Variants in ADGRL2 observed in about 807,000 individuals in gnomAD.
ADGRL2 encodes the protein adhesion G protein-coupled receptor L2, also known as calcium-independent alpha-latrotoxin receptor 2.
ADGRL2 carries 44 observed loss-of-function variants against 157.4 expected under a neutral mutation model. The observed-to-expected ratio is 0.28, with a 90% CI of 0.22 to 0.36. The LOEUF (loss-of-function observed/expected upper bound fraction) is 0.36. Among genes scored for constraint, ADGRL2 ranks in the 10% least tolerant of loss-of-function variants. ADGRL2 has a pLI of 1.00. For synonymous variants in ADGRL2, 585 were observed against 624.7 expected (o/e 0.94, Z 0.95); for missense variants, 1,510 against 1,768.9 (o/e 0.85, Z 2.63).
At chr1:81,637,041 G>C (rs930124959) in intron 3 of ADGRL2, among the ~76,000 whole-genome samples, 2 of 152,070 alleles carry the variant, frequency 1.3e-5, no homozygotes, top group Admixed American at 1.3e-4. Context: ...TCACCATGTT[G>C]GCCAGTTTGA....
At chr1:81,775,235 G>C (rs536604006) in intron 2 of ADGRL2, among the ~76,000 whole-genome samples, 1 of 152,178 alleles carries the variant, frequency 6.6e-6, no homozygotes, top group East Asian at 1.9e-4. Flanking sequence ...AAAACACACT[G>C]CTTTTCTTAC....
At chr1:81,487,806 A>G (rs1311602843) in intron 2 of ADGRL2, among the ~76,000 whole-genome samples, 1 of 152,186 alleles carries the variant, frequency 6.6e-6, no homozygotes, top group Admixed American at 6.5e-5. Flanking sequence ...TGAAAAATGG[A>G]CTGGCTGAGG....
chr1:81,511,018 G>A (rs2079065680), intron 2 of ADGRL2, among the ~76,000 whole-genome samples: 1 of 152,102 alleles, frequency 6.6e-6, no homozygotes, highest in South Asian at 2.1e-4. Context: ...AGCACTGAAT[G>A]TGAATGGAAA....
chr1:81,794,437 C>G (rs943270672), intron 2 of ADGRL2, among the ~76,000 whole-genome samples: 1 of 152,052 alleles, frequency 6.6e-6, no homozygotes, highest in South Asian at 2.1e-4. Context: ...TAAAACCATT[C>G]GAAGAATATA....
At chr1:81,754,592 T>G (rs200524160) in intron 1 of ADGRL2, among the ~76,000 whole-genome samples, 1 of 109,742 alleles carries the variant, frequency 9.1e-6, no homozygotes, top group Non-Finnish European at 1.8e-5. Context: ...TTTCTTTCTT[T>G]TCTTTTCTTT....
chr1:81,966,806 T>C (rs1388638854), intron 13 of ADGRL2, among the ~76,000 whole-genome samples, 197 bp downstream of exon 13: 1 of 152,206 alleles, frequency 6.6e-6, no homozygotes, highest in African/African-American at 2.4e-5. Flanking sequence ...TAAAATTAAA[T>C]GAGCTTGGTT....
intron 1 of ADGRL2, among the ~76,000 whole-genome samples, chr1:81,429,412 A>G (rs11163291): frequency 0.25 from 38,464 of 152,126 alleles, 5,083 homozygotes; most frequent in South Asian, 0.41. Context: ...AATTTGAGCG[A>G]GGGAGGAGGA....
chr1:81,503,565 G>A, intron 2 of ADGRL2: 2 of 1,407,322 alleles, frequency 1.4e-6, no homozygotes, highest in East Asian at 4.6e-5. Flanking sequence ...CCACGTCGAC[G>A]AGCACCATTT....
At chr1:81,833,886 A>G (rs754054) in intron 1 of ADGRL2, among the ~76,000 whole-genome samples, 50,781 of 152,000 alleles carry the variant, frequency 0.33, 8,987 homozygotes, top group Middle Eastern at 0.51. Flanking sequence ...GACTTTTTAC[A>G]TGACAGGGTA....
At chr1:81,801,694 A>C (rs1020031856) in intron 1 of ADGRL2, among the ~76,000 whole-genome samples, 2 of 152,098 alleles carry the variant, frequency 1.3e-5, no homozygotes, top group African/African-American at 4.8e-5. Context: ...CCCAGGCCGC[A>C]GGGTCGGCGC....
chr1:81,716,894 TC>T (rs1444941943), intron 1 of ADGRL2, among the ~76,000 whole-genome samples: 1 of 152,194 alleles, frequency 6.6e-6, no homozygotes, highest in Non-Finnish European at 1.5e-5. Flanking sequence ...TTCCATTTGA[TC>T]TTCAAAGAAA....
chr1:81,669,397 C>T (rs952860740), intron 3 of ADGRL2, among the ~76,000 whole-genome samples: 2 of 151,402 alleles, frequency 1.3e-5, no homozygotes, highest in African/African-American at 4.9e-5. Context: ...CCAGCCTGGG[C>T]AATGTAGCAA....
chr1:81,382,510 C>A (rs903550974), intron 1 of ADGRL2, among the ~76,000 whole-genome samples: 3 of 151,934 alleles, frequency 2.0e-5, no homozygotes, highest in African/African-American at 7.3e-5. Context: ...AATTGCACGC[C>A]ATTGTGTAGG....
chr1:81,407,081 T>C (rs1402048895), intron 1 of ADGRL2, among the ~76,000 whole-genome samples: 7 of 152,218 alleles, frequency 4.6e-5, no homozygotes, highest in Non-Finnish European at 8.8e-5. Context: ...TTTCCTCCCG[T>C]CTCCAGAAAT....
intron 1 of ADGRL2, among the ~76,000 whole-genome samples, chr1:81,319,583 A>G (rs984447541): frequency 2.0e-5 from 3 of 152,342 alleles, no homozygotes; most frequent in African/African-American, 7.2e-5. Context: ...GCGGGGCTCA[A>G]CAAATGTTTT....
At chr1:81,703,851 C>T (rs4650576) in intron 1 of ADGRL2, among the ~76,000 whole-genome samples, 98,275 of 151,960 alleles carry the variant, frequency 0.65, 32,162 homozygotes, top group Middle Eastern at 0.68. Flanking sequence ...GTAATGGGTT[C>T]TTTTGTTTGT....
intron 16 of ADGRL2, among the ~76,000 whole-genome samples, chr1:81,970,908 G>T (rs532565604): frequency 8.6e-4 from 131 of 152,224 alleles, no homozygotes; most frequent in African/African-American, 3.0e-3. Context: ...TCTTTGTGCA[G>T]CTGACCCTCT....
intron 3 of ADGRL2, among the ~76,000 whole-genome samples, chr1:81,620,073 G>A (rs934619570): frequency 6.6e-6 from 1 of 152,130 alleles, no homozygotes; most frequent in Non-Finnish European, 1.5e-5. Context: ...CTTATACTAT[G>A]GTTTAAGGCT....
chr1:81,666,056 G>A lies in ADGRL2; in HGVS notation c.-143+85076G>A, dbSNP rs74726352. Among the ~76,000 whole-genome samples, 5 of 152,228 alleles carry A rather than the reference G, an allele frequency of 3.3e-5. No individual in the cohort carries two copies. In the East Asian group the frequency reaches 9.7e-4, roughly 29 times the overall value. On this transcript the variant is annotated intron_variant, in intron 3 of 24. Transcript: ENST00000370721. The stretch of plus-strand genomic sequence containing the variant: ...CCTAAACAATCAAACAAATAGATAA[G>A]CAAGCACAATCCAGTAAAGCTCCTA...
Sources: gnomAD v4.1 joint callset for allele counts (sites outside exome capture counted in the v4.1 genomes callset) on GRCh38, gnomAD v4.1.1 for gene constraint, MANE v1.5 for transcripts, NCBI Gene and HGNC (gene_info 2026-07-23, HGNC 2026-07-21) for gene names.